CTNNA3: variants seen among roughly 807,000 people sequenced by gnomAD.
CTNNA3 encodes catenin alpha-3.
A neutral mutation model predicts 95.7 loss-of-function variants in CTNNA3; 76 were observed. The observed-to-expected ratio is 0.79, with a 90% confidence interval of 0.66 to 0.96. The LOEUF is 0.96. Among genes scored for constraint, CTNNA3 ranks in the 40% least tolerant of loss-of-function variants. The pLI, the probability that CTNNA3 is intolerant of heterozygous loss-of-function variation, is 0.00. For missense variants in CTNNA3, 1,191 were observed against 1,089.8 expected, an observed-to-expected ratio of 1.09 and a Z score of -1.31; for synonymous variants, 431 against 374.4, an observed-to-expected ratio of 1.15 and a Z score of -1.74.
At chr10:66,654,707 A>C (rs973587567) in intron 9 of CTNNA3, among the ~76,000 whole-genome samples, 2 of 152,100 alleles carry the variant, frequency 1.3e-5, no homozygotes, top group African/African-American at 4.8e-5. Context: ...ATCAAACTAA[A>C]TGTTTGTCAA....
At chr10:66,644,304 CTCTATA>C (rs763730629) in intron 9 of CTNNA3, among the ~76,000 whole-genome samples, 29,822 of 122,506 alleles carry the variant, frequency 0.24, 3,302 homozygotes, top group African/African-American at 0.33. Context: ...CTCTCTCTCT[CTCTATA>C]TATATATATA....
chr10:67,094,954 C>T (rs546130281), intron 7 of CTNNA3, among the ~76,000 whole-genome samples: 9 of 151,522 alleles, frequency 5.9e-5, no homozygotes, highest in East Asian at 1.9e-4. Flanking sequence ...CCAAAATTTG[C>T]ATTTTCCATA....
chr10:67,744,196 T>C (rs1841360207), intron 1 of CTNNA3, among the ~76,000 whole-genome samples: 1 of 151,112 alleles, frequency 6.6e-6, no homozygotes, highest in African/African-American at 2.4e-5. Context: ...CATCAGCAAG[T>C]CAGTCCTAAG....
intron 7 of CTNNA3, among the ~76,000 whole-genome samples, chr10:66,786,911 T>C (rs1172898829): frequency 6.6e-6 from 1 of 152,094 alleles, no homozygotes; most frequent in Non-Finnish European, 1.5e-5. Context: ...AAGGGCAAAG[T>C]CCAACTCTAC....
At chr10:66,981,315 T>A (rs1224852823) in intron 7 of CTNNA3, among the ~76,000 whole-genome samples, 1 of 152,208 alleles carries the variant, frequency 6.6e-6, no homozygotes, top group African/African-American at 2.4e-5. Context: ...TTCATCTATA[T>A]CTCTAAATAT....
At chr10:66,999,026 T>C (rs1851529394) in intron 7 of CTNNA3, among the ~76,000 whole-genome samples, 1 of 152,190 alleles carries the variant, frequency 6.6e-6, no homozygotes, top group African/African-American at 2.4e-5. Flanking sequence ...ATTAGAAATG[T>C]ATTTATTACT....
intron 7 of CTNNA3, among the ~76,000 whole-genome samples, chr10:66,948,826 C>T (rs1848398929): frequency 6.6e-6 from 1 of 152,170 alleles, no homozygotes; most frequent in Admixed American, 6.5e-5. Flanking sequence ...TAAATCATAA[C>T]ATAAAGCAGT....
intron 14 of CTNNA3, among the ~76,000 whole-genome samples, chr10:66,099,837 A>G (rs1322370982): frequency 6.6e-6 from 1 of 151,964 alleles, no homozygotes; most frequent in South Asian, 2.1e-4. Flanking sequence ...TTTGTTTTTT[A>G]GTAAAGGACT....
chr10:66,158,874 G>C (rs188876031), intron 13 of CTNNA3, among the ~76,000 whole-genome samples: 252 of 151,874 alleles, frequency 1.7e-3, no homozygotes, highest in Admixed American at 6.3e-3. Flanking sequence ...TCCTTGGTTA[G>C]GTATATTCCT....
At chr10:67,727,779 T>C (rs1473678125) in intron 1 of CTNNA3, among the ~76,000 whole-genome samples, 2 of 122,760 alleles carry the variant, frequency 1.6e-5, no homozygotes, top group East Asian at 2.1e-4. Context: ...TAATATATAA[T>C]ATGTAAAATA....
chr10:66,246,037 C>G (rs929274510), intron 13 of CTNNA3, among the ~76,000 whole-genome samples: 3 of 152,200 alleles, frequency 2.0e-5, no homozygotes, highest in African/African-American at 7.2e-5. Context: ...AGCCCAGGCC[C>G]CAGCTTTCAG....
chr10:65,927,901 G>T (rs575544876), intron 17 of CTNNA3, among the ~76,000 whole-genome samples: 2 of 152,208 alleles, frequency 1.3e-5, no homozygotes, highest in East Asian at 3.9e-4. Flanking sequence ...TTACCATTTT[G>T]AATTCCACCA....
chr10:66,405,744 G>A (rs560426139), intron 11 of CTNNA3, among the ~76,000 whole-genome samples: 81 of 152,202 alleles, frequency 5.3e-4, no homozygotes, highest in African/African-American at 1.8e-3. Context: ...TGGTGTTCCT[G>A]TCCTATGCTG....
chr10:66,632,555 C>CAAAA (rs10559608), intron 9 of CTNNA3, among the ~76,000 whole-genome samples: 28 of 100,718 alleles, frequency 2.8e-4, no homozygotes, highest in East Asian at 3.5e-4. Context: ...AACTCCATCT[C>CAAAA]AAAAAAAAAA....
intron 11 of CTNNA3, among the ~76,000 whole-genome samples, chr10:66,461,877 A>G (rs2093532275): frequency 6.9e-6 from 1 of 144,254 alleles, no homozygotes; most frequent in South Asian, 2.2e-4. Context: ...CAGTGGTGTG[A>G]TCTTGGCTCA....
At chr10:65,978,881 T>C (rs1449747441) in intron 16 of CTNNA3, among the ~76,000 whole-genome samples, 3 of 152,126 alleles carry the variant, frequency 2.0e-5, no homozygotes, top group Admixed American at 2.0e-4. Flanking sequence ...GTTTAGCAAA[T>C]TCAGGTTTCT....
intron 16 of CTNNA3, among the ~76,000 whole-genome samples, chr10:65,980,595 A>G (rs1424211697): frequency 6.6e-6 from 1 of 151,988 alleles, no homozygotes; most frequent in Non-Finnish European, 1.5e-5. Context: ...AATCCCCAAC[A>G]AAATTCTAGC....
intron 5 of CTNNA3, among the ~76,000 whole-genome samples, chr10:67,235,078 G>A (rs1865390770): frequency 6.6e-6 from 1 of 151,486 alleles, no homozygotes; most frequent in African/African-American, 2.4e-5. Flanking sequence ...CGTGAAAATG[G>A]CCATACTGCC....
intron 1 of CTNNA3, among the ~76,000 whole-genome samples, chr10:67,680,644 TA>T (rs1437385037): frequency 6.6e-6 from 1 of 152,232 alleles, no homozygotes; most frequent in East Asian, 1.9e-4. Flanking sequence ...TCTTGTTGCT[TA>T]AACCAGCTAA....
Sources: gnomAD v4.1 joint callset for allele counts (sites outside exome capture counted in the v4.1 genomes callset) on GRCh38, gnomAD v4.1.1 for gene constraint, MANE v1.5 for transcripts, NCBI Gene and HGNC (gene_info 2026-07-23, HGNC 2026-07-21) for gene names.